Variants in YLPM1 observed in about 807,000 individuals in gnomAD.
YLPM1 encodes the protein YLP motif-containing protein 1.
YLPM1 carries 99 observed loss-of-function variants against 230.0 expected under a neutral mutation model. The observed-to-expected ratio is 0.43, with a 90% CI of 0.37 to 0.51. YLPM1 has a LOEUF of 0.51. Ranked by LOEUF, YLPM1 falls within the 20% of genes least tolerant of loss-of-function variation. The pLI is 0.00. For synonymous variants in YLPM1, 984 were observed against 942.5 expected (o/e 1.04, Z -0.81); for missense variants, 2,592 against 2,707.7 (o/e 0.96, Z 0.95).
At chr14:74,774,537 C>A (rs1368302284) in intron 1 of YLPM1, among the ~76,000 whole-genome samples, 1 of 152,172 alleles carries the variant, frequency 6.6e-6, no homozygotes, top group African/African-American at 2.4e-5. Context: ...TCCCAAGTAG[C>A]TGGGACTACA....
intron 5 of YLPM1, among the ~76,000 whole-genome samples, chr14:74,801,039 G>T (rs1366381649): frequency 6.6e-6 from 1 of 152,178 alleles, no homozygotes; most frequent in East Asian, 1.9e-4. Context: ...TATTTATGGA[G>T]AATACCAAGC....
intron 4 of YLPM1, among the ~76,000 whole-genome samples, chr14:74,797,338 G>C (rs2091274425): frequency 6.6e-6 from 1 of 151,826 alleles, no homozygotes; most frequent in Non-Finnish European, 1.5e-5. Context: ...TGCGGCAGGA[G>C]ATGTGTTGAA....
At chr14:74,805,827 T>A (rs2140119875) in intron 6 of YLPM1, among the ~76,000 whole-genome samples, 1 of 150,862 alleles carries the variant, frequency 6.6e-6, no homozygotes, top group East Asian at 2.0e-4. Context: ...CTCATCCTCC[T>A]GAGTAGCTGG....
chr14:74,781,258 A>C, intron 3 of YLPM1, 76 bp from the exon 4 acceptor site: 1 of 1,423,786 alleles, frequency 7.0e-7, no homozygotes, highest in Non-Finnish European at 9.3e-7. Flanking sequence ...AATGCCCTTG[A>C]TTCATTAATA....
intron 9 of YLPM1, among the ~76,000 whole-genome samples, chr14:74,810,882 G>T (rs1175755855): frequency 6.6e-6 from 1 of 152,130 alleles, no homozygotes; most frequent in East Asian, 1.9e-4. Flanking sequence ...GGAATGCAGT[G>T]GCGCAGTCTC....
intron 18 of YLPM1, chr14:74,827,899 A>G (rs368610712): frequency 1.0e-6 from 1 of 985,316 alleles, no homozygotes; most frequent in Admixed American, 6.2e-5. Flanking sequence ...TCCAGAAATT[A>G]GAAGACTGGA....
chr14:74,813,167 A>G (rs2091450146), intron 11 of YLPM1, among the ~76,000 whole-genome samples: 1 of 152,214 alleles, frequency 6.6e-6, no homozygotes, highest in Non-Finnish European at 1.5e-5. Flanking sequence ...AATTTGTCTT[A>G]TTACAGAATA....
At chr14:74,820,112 A>G (rs988094352) in intron 16 of YLPM1, among the ~76,000 whole-genome samples, 9 of 152,232 alleles carry the variant, frequency 5.9e-5, no homozygotes, top group Non-Finnish European at 4.4e-5. Context: ...AAAAATATAT[A>G]TTATCTTAGT....
chr14:74,776,193 T>C (rs2091035958), intron 1 of YLPM1, among the ~76,000 whole-genome samples: 1 of 152,224 alleles, frequency 6.6e-6, no homozygotes, highest in Non-Finnish European at 1.5e-5. Context: ...CTTACCTGTG[T>C]AGTCAGTTTT....
chr14:74,806,479 C>G (rs2091379591), intron 6 of YLPM1, among the ~76,000 whole-genome samples: 1 of 151,846 alleles, frequency 6.6e-6, no homozygotes, highest in African/African-American at 2.4e-5. Flanking sequence ...GTAATCCCAG[C>G]TACTAGGGAG....
chr14:74,767,697 T>C (rs1385512697), intron 1 of YLPM1, among the ~76,000 whole-genome samples: 1 of 152,250 alleles, frequency 6.6e-6, no homozygotes, highest in African/African-American at 2.4e-5. Context: ...ATTTTCTTTT[T>C]CTACCTCATG....
chr14:74,806,410 C>A (rs10083495), intron 6 of YLPM1, among the ~76,000 whole-genome samples: 105,520 of 151,620 alleles, frequency 0.7, 36,852 homozygotes, highest in East Asian at 0.78. Context: ...ACATGGTGAA[C>A]CCTCGCCTCT....
chr14:74,833,139 C>T (rs929752891), intron 19 of YLPM1, among the ~76,000 whole-genome samples: 6 of 152,074 alleles, frequency 3.9e-5, no homozygotes, highest in African/African-American at 1.4e-4. Flanking sequence ...GCATCCTGAG[C>T]ACAGTATTGT....
In YLPM1 at chr14:74,799,564, T is replaced by G; in HGVS notation, c.4267T>G (p.Ser1423Ala). 1 of 1,613,926 alleles carries G rather than the reference T, an allele frequency of 6.2e-7. No individual in the cohort carries two copies. The highest frequency in any genetic ancestry group is 8.5e-7 in the Non-Finnish European group (1 of 1,179,890). ...CCCCATGGCGGAACATATGCCCTCC[T>G]CACATCATTCCTCAGAAATGATGGG... is the stretch of plus-strand genomic sequence containing the variant. ...HSPMAEHMPS[S>A]HHSSEMMGSD... Residue 1423 changes from serine (S) to alanine (A), a missense_variant, in exon 5 of 21, where the codon TCA becomes GCA. Coordinates refer to ENST00000325680, the MANE Select transcript of YLPM1 (RefSeq NM_019589.3).
chr14:74,824,104 A>G (rs907632873), intron 17 of YLPM1, 152 bp from the exon 18 acceptor site: 9 of 685,986 alleles, frequency 1.3e-5, no homozygotes, highest in Non-Finnish European at 1.9e-5. Flanking sequence ...TTCTTCAAAG[A>G]TAATGAGATT....
At position 74,829,320 on chromosome 14, in the gene YLPM1, G is replaced by A. The variant is rs749306487; in HGVS notation, c.6271G>A (p.Ala2091Thr). 1.2e-6 allele frequency: 2 copies of A among 1,613,058 alleles called. No homozygotes were observed. Among genetic ancestry groups the A allele is most frequent in the Non-Finnish European group, 1.7e-6 (2 of 1,179,292 alleles). Residue 2091 changes from alanine (A) to threonine (T), a missense_variant, in exon 19 of 21, where the codon GCT (alanine) becomes ACT (threonine). Transcript: ENST00000325680. ...GCTCCCCGATGATTATGATACTCGT[G>A]CTTCTGAGCCTGGGAAGAAGAGGGT... ...LQLPDDYDTR[A>T]SEPGKKRVRW...
At position 74,797,916 on chromosome 14, in the gene YLPM1, G is replaced by T; in HGVS notation, c.2619G>T (p.Gln873His). 6.2e-7 allele frequency: 1 copy of T among 1,613,830 alleles called. No homozygotes were observed. Among genetic ancestry groups the T allele is most frequent in the Non-Finnish European group, 8.5e-7 (1 of 1,179,856 alleles). Residue 873 changes from glutamine to histidine, a missense_variant, in exon 5 of 21, where the codon CAG (glutamine) becomes CAT (histidine). Transcript: ENST00000325680. ...KEPLADTSSN[Q>H]QKNFKMQSAA... ...CATTAGCAGACACCAGTAGTAACCA[G>T]CAGAAGAATTTTAAAATGCAATCAG... is the stretch of plus-strand genomic sequence containing the variant.
intron 19 of YLPM1, among the ~76,000 whole-genome samples, chr14:74,834,503 C>T (rs1308607761): frequency 6.6e-6 from 1 of 151,900 alleles, no homozygotes; most frequent in Non-Finnish European, 1.5e-5. Context: ...AATTATACTA[C>T]GGTGTGGAAG....
intron 15 of YLPM1, among the ~76,000 whole-genome samples, chr14:74,817,781 A>C (rs1273454949): frequency 6.6e-6 from 1 of 151,888 alleles, no homozygotes; most frequent in African/African-American, 2.4e-5. Flanking sequence ...ATGGCCTGGC[A>C]TGGTGGCTTA....
Sources: allele counts gnomAD v4.1 joint callset (sites outside exome capture counted in the v4.1 genomes callset), GRCh38; gene constraint gnomAD v4.1.1; transcripts MANE v1.5; gene names NCBI Gene and HGNC (gene_info 2026-07-23, HGNC 2026-07-21).